Variants in CATSPERB observed in about 807,000 individuals in gnomAD.
CATSPERB encodes the protein cation channel sperm-associated auxiliary subunit beta.
In CATSPERB, 93 loss-of-function variants were observed where a neutral mutation model predicts 128.3. The observed-to-expected ratio is 0.72, with a 90% CI of 0.61 to 0.86. The LOEUF is 0.86. CATSPERB is among the 40% of genes least tolerant of loss of function. The pLI, the probability that CATSPERB is intolerant of heterozygous loss-of-function variation, is 0.00. For missense variants in CATSPERB, 1,153 were observed against 1,329.5 expected (o/e 0.87, Z 2.06); for synonymous variants, 381 against 448.8 (o/e 0.85, Z 1.91).
rs1409858291 is a variant in CATSPERB, at chr14:91,580,825, T to C, written c.*64A>G. ...GTAGCTTGCATATTTAACATTTAAA[T>C]ATATTGTTCTAGGAATTGGCTGATA... On this transcript the variant is annotated 3_prime_UTR_variant, in exon 27 of 27. Coordinates refer to ENST00000256343, the MANE Select transcript of CATSPERB (RefSeq NM_024764.4). The C allele has an allele frequency of 8.0e-7, 1 of 1,249,126 alleles. No homozygotes were observed. The highest frequency in any genetic ancestry group is 1.5e-5 in the African/African-American group (1 of 66,554). 77.4% of individuals were successfully genotyped at this position (1,249,126 alleles called of 1,614,324 possible).
At chr14:91,594,877 G>C (rs1391773708) in intron 22 of CATSPERB, among the ~76,000 whole-genome samples, 3 of 152,196 alleles carry the variant, frequency 2.0e-5, no homozygotes, top group Non-Finnish European at 4.4e-5. Flanking sequence ...TTCTCCTGAA[G>C]TTTAAGTTGT....
At chr14:91,723,990 C>T (rs190823979) in intron 3 of CATSPERB, among the ~76,000 whole-genome samples, 43 of 152,186 alleles carry the variant, frequency 2.8e-4, no homozygotes, top group Non-Finnish European at 5.0e-4. Context: ...TTTGGGAAGG[C>T]AGTACAATTT....
At chr14:91,708,281 T>C (rs1429863817) in intron 5 of CATSPERB, 45 bp from the exon 6 acceptor site, 1 of 1,266,188 alleles carries the variant, frequency 7.9e-7, no homozygotes, top group Admixed American at 1.8e-5. Context: ...TTTTCATATG[T>C]TGTGTTTGGT....
Position 91,723,153 on chromosome 14 carries a change from C to A in CATSPERB, c.205G>T (p.Ala69Ser), listed in dbSNP as rs765159629. The A allele has an allele frequency of 2.7e-6, 4 of 1,493,984 alleles. No homozygotes were observed. The highest frequency in any genetic ancestry group is 1.4e-5 in the South Asian group (1 of 69,116). 92.5% of individuals were successfully genotyped at this position (1,493,984 alleles called of 1,614,324 possible). The change falls in exon 4 of 27, where the codon GCA becomes TCA. Residue 69 changes from alanine (A) to serine (S), a missense_variant. Coordinates refer to ENST00000256343, the MANE Select transcript of CATSPERB (RefSeq NM_024764.4). ...QCFFQTENEI[A>S]SKAMLSVFTS... ...AACACACTTAGCATTGCTTTTGATGCAATTTCATTTTCAGTTTGGAAGAAA... is the reference window on the plus strand; with the variant it reads ...AACACACTTAGCATTGCTTTTGATGAAATTTCATTTTCAGTTTGGAAGAAA...
chr14:91,720,207 G>A (rs1421478896), intron 4 of CATSPERB, among the ~76,000 whole-genome samples: 1 of 151,896 alleles, frequency 6.6e-6, no homozygotes, highest in Non-Finnish European at 1.5e-5. Flanking sequence ...GGAGACAATC[G>A]TAAAATTAAC....
intron 11 of CATSPERB, among the ~76,000 whole-genome samples, chr14:91,678,807 T>C (rs1451002887): frequency 7.9e-5 from 12 of 152,228 alleles, no homozygotes; most frequent in African/African-American, 2.9e-4. Context: ...TTTGTTTGTA[T>C]GATTTTTTTT....
At position 91,706,381 on chromosome 14, in the gene CATSPERB, A is replaced by G. The variant is rs187262603; in HGVS notation, c.467-1680T>C. Among the ~76,000 whole-genome samples, 268 of 152,300 alleles carry G rather than the reference A, an allele frequency of 1.8e-3. 1 individual carries two copies. The highest frequency in any genetic ancestry group is 6.2e-3 in the African/African-American group (259 of 41,562). On this transcript the variant is annotated intron_variant, in intron 6 of 26. Transcript: ENST00000256343. The stretch of plus-strand genomic sequence containing the variant: ...CAGGTCAGGGAGATTTCAGCTTACC[A>G]CTGGACATCACGGAGCTGACAATGC...
At chr14:91,592,063 G>A (rs1200007271) in intron 22 of CATSPERB, 61 bp from the exon 23 acceptor site, 5 of 964,216 alleles carry the variant, frequency 5.2e-6, no homozygotes, top group Non-Finnish European at 6.7e-6. Flanking sequence ...TCTGCAAACT[G>A]ATAAATATCT....
intron 17 of CATSPERB, 49 bp downstream of exon 17, chr14:91,636,376 A>G (rs767780829): frequency 1.3e-6 from 2 of 1,575,334 alleles, no homozygotes; most frequent in East Asian, 2.2e-5. Context: ...AAATTTAAAA[A>G]GTAGATTCTA....
chr14:91,651,781 C>A (rs558050487), intron 15 of CATSPERB, among the ~76,000 whole-genome samples: 6 of 152,218 alleles, frequency 3.9e-5, no homozygotes, highest in African/African-American at 1.4e-4. Flanking sequence ...ATAATTTTTA[C>A]AAAGATTGTG....
In CATSPERB at chr14:91,587,091, T is replaced by A. The variant is rs1893315947; in HGVS notation, c.3132+111A>T. 7.8e-6 allele frequency: 6 copies of A among 765,002 alleles called. No homozygotes were observed. The Admixed American group carries it at 1.8e-4, about 23-fold the overall frequency. The allele number at this position is 765,002 out of a possible 1,614,324, so 47.4% of individuals were successfully genotyped here. ...TTCAGGATCCCCTGTCTTTAAGCCT[T>A]GTCCATCACACAAATTCTGCCAATT... On this transcript the variant is annotated intron_variant, in intron 26 of 26. Coordinates refer to ENST00000256343, the MANE Select transcript of CATSPERB (RefSeq NM_024764.4).
At chr14:91,628,513 CT>C (rs1338822944) in intron 17 of CATSPERB, among the ~76,000 whole-genome samples, 1 of 152,268 alleles carries the variant, frequency 6.6e-6, no homozygotes, top group South Asian at 2.1e-4. Flanking sequence ...AGGGAGGGAC[CT>C]GGTGGGAGGT....
chr14:91,616,811 G>A (rs1273681818), intron 20 of CATSPERB, among the ~76,000 whole-genome samples: 3 of 133,356 alleles, frequency 2.2e-5, no homozygotes, highest in Non-Finnish European at 3.1e-5. Context: ...GCACGATCTC[G>A]GTTCACTGCA....
intron 26 of CATSPERB, among the ~76,000 whole-genome samples, chr14:91,586,573 G>GAGAGAGAA (rs1956253041): frequency 7.1e-6 from 1 of 141,808 alleles, no homozygotes; most frequent in Non-Finnish European, 1.5e-5. Flanking sequence ...GAGAGAGAAA[G>GAGAGAGAA]AGAGAGAGAG....
chr14:91,727,284 T>G (rs1896132966), intron 2 of CATSPERB, among the ~76,000 whole-genome samples: 1 of 152,158 alleles, frequency 6.6e-6, no homozygotes, highest in Non-Finnish European at 1.5e-5. Flanking sequence ...TCCCCAGAGT[T>G]TATTGTTCTA....
chr14:91,723,196 G>T lies in CATSPERB; in HGVS notation c.169-7C>A, dbSNP rs1290483327. On this transcript the variant is annotated splice_region_variant and splice_polypyrimidine_tract_variant and intron_variant, in intron 3 of 26. Transcript: ENST00000256343. ...GGAAGAAACACTGGATTTTCTTTAG[G>T]AAAGCAAGAAAAAAAAAAACAACTA... The T allele has an allele frequency of 2.2e-6, 3 of 1,370,506 alleles. No individual in the cohort carries two copies. The highest frequency in any genetic ancestry group is 1.7e-5 in the South Asian group (1 of 57,766). 84.9% of individuals were successfully genotyped at this position (1,370,506 alleles called of 1,614,324 possible). A position where few individuals can be genotyped will look rare whatever the true frequency, so the allele number is the denominator to read the frequency against.
At chr14:91,616,041 G>A (rs932016105) in intron 20 of CATSPERB, among the ~76,000 whole-genome samples, 1 of 151,966 alleles carries the variant, frequency 6.6e-6, no homozygotes, top group Non-Finnish European at 1.5e-5. Context: ...CACCATGCCT[G>A]GCTAATCTTT....
rs1379773183 is a variant in CATSPERB, at chr14:91,681,395, G to C, written c.931+2482C>G. ...CCACAATGACAGGAAAAACTAAAGA[G>C]AGAAGCCACACTCTAAAAAAATTGC... On this transcript the variant is annotated intron_variant, in intron 11 of 26. Transcript: ENST00000256343. Among the ~76,000 whole-genome samples the C allele has an allele frequency of 2.0e-5, 3 of 152,122 alleles. No individual in the cohort carries two copies. In the East Asian group the frequency reaches 5.8e-4, roughly 29 times the overall value.
At chr14:91,666,872 C>T (rs768649765) in intron 14 of CATSPERB, among the ~76,000 whole-genome samples, 4 of 152,202 alleles carry the variant, frequency 2.6e-5, no homozygotes, top group Non-Finnish European at 5.9e-5. Flanking sequence ...GCATGACTGC[C>T]AACAAATTAT....
Sources: gnomAD v4.1 joint callset for allele counts (sites outside exome capture counted in the v4.1 genomes callset) on GRCh38, gnomAD v4.1.1 for gene constraint, MANE v1.5 for transcripts, NCBI Gene and HGNC (gene_info 2026-07-23, HGNC 2026-07-21) for gene names.